The following MBTD1 variants were observed in gnomAD, a reference collection of about 807,000 sequenced individuals.
MBTD1 encodes mbt domain containing 1.
In MBTD1, 24 loss-of-function variants were observed where a neutral mutation model predicts 87.8. The ratio of observed to expected loss-of-function variants is 0.27; its 90% confidence interval spans 0.20 to 0.38. The LOEUF (loss-of-function observed/expected upper bound fraction) is 0.38. Ranked by LOEUF, MBTD1 falls within the 10% of genes least tolerant of loss-of-function variation. MBTD1 has a pLI of 1.00. For synonymous variants in MBTD1, 237 were observed against 248.6 expected (o/e 0.95, Z 0.44); for missense variants, 436 against 760.2 (o/e 0.57, Z 5.02).
At chr17:51,215,654 A>T (rs1023648222) in intron 6 of MBTD1, among the ~76,000 whole-genome samples, 2 of 152,218 alleles carry the variant, frequency 1.3e-5, no homozygotes, top group East Asian at 1.9e-4. Flanking sequence ...ATTGCTGTGT[A>T]TGGAATATTT....
intron 2 of MBTD1, among the ~76,000 whole-genome samples, chr17:51,237,025 C>A (rs750424693): frequency 6.6e-6 from 1 of 151,988 alleles, no homozygotes; most frequent in African/African-American, 2.4e-5. Context: ...CGGCCAGGCA[C>A]GGTGGCTCAC....
intron 2 of MBTD1, among the ~76,000 whole-genome samples, chr17:51,231,675 C>A (rs973884307): frequency 6.6e-6 from 1 of 152,056 alleles, no homozygotes; most frequent in Non-Finnish European, 1.5e-5. Flanking sequence ...GGGAATAAAC[C>A]CCTGGATGCA....
At chr17:51,242,909 C>G (rs1397629380) in intron 2 of MBTD1, among the ~76,000 whole-genome samples, 1 of 152,156 alleles carries the variant, frequency 6.6e-6, no homozygotes, top group Non-Finnish European at 1.5e-5. Context: ...CATTTCAGTG[C>G]ACTGACATCT....
intron 1 of MBTD1, 92 bp downstream of exon 1, chr17:51,259,742 CG>C (rs2055354035): frequency 3.5e-6 from 4 of 1,147,686 alleles, no homozygotes; most frequent in Non-Finnish European, 4.4e-6. Context: ...GGCCAGGGAG[CG>C]GGGTCAGGGA....
chr17:51,249,801 TTACC>T (rs1333108703), intron 2 of MBTD1: 3 of 152,206 alleles, frequency 2.0e-5, no homozygotes, highest in Non-Finnish European at 4.4e-5. Flanking sequence ...ATTTTTTTTC[TTACC>T]TAATCTTTTC....
chr17:51,196,233 T>G (rs2051097164), intron 12 of MBTD1, among the ~76,000 whole-genome samples: 1 of 151,438 alleles, frequency 6.6e-6, no homozygotes, highest in Admixed American at 6.6e-5. Context: ...GCCTTTTTTT[T>G]TTTTTTTTTG....
At chr17:51,250,211 T>C (rs1332459550) in intron 2 of MBTD1, 2 of 152,118 alleles carry the variant, frequency 1.3e-5, no homozygotes, top group Non-Finnish European at 2.9e-5. Flanking sequence ...GGCCTTAGTT[T>C]TTCCTTTTAT....
At position 51,192,935 on chromosome 17, in the gene MBTD1, T is replaced by C; in HGVS notation, c.1537A>G (p.Thr513Ala). The C allele has an allele frequency of 6.2e-7, 1 of 1,614,182 alleles. No homozygotes were observed. The highest frequency in any genetic ancestry group is 8.5e-7 in the Non-Finnish European group (1 of 1,180,026). Residue 513 changes from threonine (T) to alanine (A), a missense_variant, in exon 15 of 17, where the codon ACA (threonine) becomes GCA (alanine). Thr to Ala is a moderately conservative substitution (Grantham distance 58, BLOSUM62 0). Coordinates refer to ENST00000586178, the MANE Select transcript of MBTD1 (RefSeq NM_017643.3). ...AGACGATGAATAATTCGAGTTACTGTGGCTACACATATTAAACGTGGCTCC... is the reference window on the plus strand; with the variant it reads ...AGACGATGAATAATTCGAGTTACTGCGGCTACACATATTAAACGTGGCTCC... ...LMEPRLICVATVTRIIHRLLR... is the reference protein window; with the variant it reads ...LMEPRLICVAAVTRIIHRLLR...
At chr17:51,239,596 T>C (rs988906605) in intron 2 of MBTD1, among the ~76,000 whole-genome samples, 4 of 152,178 alleles carry the variant, frequency 2.6e-5, no homozygotes, top group Non-Finnish European at 5.9e-5. Flanking sequence ...TTTTTCACCT[T>C]GGCAATATTA....
chr17:51,259,820 G>C lies in MBTD1; in HGVS notation c.-113+15C>G. On this transcript the variant is annotated intron_variant, in intron 1 of 16. Coordinates refer to ENST00000586178, the MANE Select transcript of MBTD1 (RefSeq NM_017643.3). ...CCACCTGGCACACAAAGCGGCTGCCGCGCTCGGCTCTCACCAGATCCTTTG... is the reference window on the plus strand; with the variant it reads ...CCACCTGGCACACAAAGCGGCTGCCCCGCTCGGCTCTCACCAGATCCTTTG... The C allele has an allele frequency of 8.1e-7, 1 of 1,232,482 alleles. No individual in the cohort carries two copies. The highest frequency in any genetic ancestry group is 1.0e-6 in the Non-Finnish European group (1 of 988,332). The allele number at this position is 1,232,482 out of a possible 1,614,324, so 76.3% of individuals were successfully genotyped here.
intron 16 of MBTD1, among the ~76,000 whole-genome samples, chr17:51,188,554 A>G (rs1013075298): frequency 1.3e-5 from 2 of 152,204 alleles, no homozygotes; most frequent in African/African-American, 2.4e-5. Flanking sequence ...TCTGGTATTT[A>G]TATCAGTCTG....
intron 2 of MBTD1, among the ~76,000 whole-genome samples, chr17:51,247,132 C>T (rs1023996972): frequency 6.6e-6 from 1 of 152,134 alleles, no homozygotes; most frequent in Non-Finnish European, 1.5e-5. Context: ...AGGAAGTATT[C>T]ATCCATTCCT....
intron 2 of MBTD1, among the ~76,000 whole-genome samples, chr17:51,258,523 A>ACTC (rs2055227398): frequency 1.3e-5 from 2 of 151,552 alleles, no homozygotes; most frequent in Non-Finnish European, 2.9e-5. Flanking sequence ...AAAAAGAAGG[A>ACTC]GTAAAAGCAT....
rs539422569 is a variant in MBTD1, at chr17:51,204,551, G to A, written c.605-626C>T. ...AGGGTCTTGCTCTATCGCCCAGGCT[G>A]GAGTGCAGTGGTGTGATCTTGGCTC... is the stretch of plus-strand genomic sequence containing the variant. On this transcript the variant is annotated intron_variant, in intron 7 of 16. Transcript: ENST00000586178. Among the ~76,000 whole-genome samples the A allele has an allele frequency of 2.6e-4, 34 of 131,714 alleles. 1 individual carries two copies. In the South Asian group the frequency reaches 8.2e-3, roughly 32 times the overall value. 86.4% of individuals were successfully genotyped at this position (131,714 alleles called of 152,430 possible). A position where few individuals can be genotyped will look rare whatever the true frequency, so the allele number is the denominator to read the frequency against.
intron 15 of MBTD1, chr17:51,192,492 A>C: frequency 1.6e-6 from 1 of 631,838 alleles, no homozygotes; most frequent in Non-Finnish European, 2.7e-6. Flanking sequence ...ATTACCTACC[A>C]ATAAACTTTT....
rs1171024782 is a variant in MBTD1 at position 51,225,198 on chromosome 17, A to G, written c.-37T>C. On this transcript the variant is annotated 5_prime_UTR_variant, in exon 3 of 17. Coordinates refer to ENST00000586178, the MANE Select transcript of MBTD1 (RefSeq NM_017643.3). ...CTCTTCTTTTCCTTTCAGATCGTGA[A>G]GAATGTTCAGTCTTTGAAGTAAGAG... The G allele has an allele frequency of 6.6e-7, 1 of 1,513,088 alleles. No individual in the cohort carries two copies. The allele number at this position is 1,513,088 out of a possible 1,614,324, so 93.7% of individuals were successfully genotyped here. A position where few individuals can be genotyped will look rare whatever the true frequency, so the allele number is the denominator to read the frequency against.
chr17:51,190,329 AGGC>A, intron 16 of MBTD1, among the ~76,000 whole-genome samples: 1 of 152,074 alleles, frequency 6.6e-6, no homozygotes, highest in African/African-American at 2.4e-5. Flanking sequence ...CATGTTACCC[AGGC>A]TGGTCTAAAG....
Position 51,179,490 on chromosome 17 carries a change from A to ATATATATATTTATATT in MBTD1, c.*1085_*1086insAATATAAATATATATA, listed in dbSNP as rs1568135568. The ATATATATATTTATATT allele has an allele frequency of 4.2e-5, 1 of 23,548 alleles. No individual in the cohort carries two copies. The highest frequency in any genetic ancestry group is 9.0e-5 in the Non-Finnish European group (1 of 11,156). 1.5% of individuals were successfully genotyped at this position (23,548 alleles called of 1,614,324 possible). A position where few individuals can be genotyped will look rare whatever the true frequency, so the allele number is the denominator to read the frequency against. Reference sequence around the variant, plus strand: ...AATACAATTAAAGACAATTTTATATATATATATATATATATATATATATAT... The same window carrying ATATATATATTTATATT: ...AATACAATTAAAGACAATTTTATATATATATATATTTATATTTATATATATATATATATATATATAT... On this transcript the variant is annotated 3_prime_UTR_variant, in exon 17 of 17. Transcript: ENST00000586178.
upstream of MBTD1, chr17:51,260,750 G>T (rs778453855): frequency 1.3e-5 from 21 of 1,582,220 alleles, no homozygotes; most frequent in South Asian, 1.6e-4. Flanking sequence ...CCGGCCGAGC[G>T]CGGCGGCCGC....
Sources: allele counts gnomAD v4.1 joint callset (sites outside exome capture counted in the v4.1 genomes callset), GRCh38; gene constraint gnomAD v4.1.1; transcripts MANE v1.5; gene names NCBI Gene and HGNC (gene_info 2026-07-23, HGNC 2026-07-21).